The following ROBO1 variants were observed in gnomAD, a reference collection of about 807,000 sequenced individuals.
ROBO1 encodes the protein roundabout guidance receptor 1, also known as roundabout homolog 1.
Under a neutral mutation model 195.9 loss-of-function variants are expected in ROBO1, and 149 were observed. That is an observed-to-expected ratio of 0.76 (90% CI 0.67 to 0.87). The LOEUF (loss-of-function observed/expected upper bound fraction) is 0.87. ROBO1 is among the 40% of genes least tolerant of loss of function. The pLI is 0.00. For synonymous variants in ROBO1, 816 were observed against 733.2 expected, an observed-to-expected ratio of 1.11 and a Z score of -1.82; for missense variants, 1,933 against 2,068.3, an observed-to-expected ratio of 0.93 and a Z score of 1.27.
At chr3:78,732,995 T>G (rs548401344) in intron 5 of ROBO1, among the ~76,000 whole-genome samples, 1 of 152,290 alleles carries the variant, frequency 6.6e-6, no homozygotes, top group Non-Finnish European at 1.5e-5. Context: ...CAATTTATCA[T>G]ATTATCAAAT....
At position 79,385,315 on chromosome 3, in the gene ROBO1, G is replaced by T. The variant is rs2106656695; in HGVS notation, c.88+204509C>A. On this transcript the variant is annotated intron_variant, in intron 2 of 30. Transcript: ENST00000464233. Reference sequence around the variant, plus strand: ...ATCCTATGTCTCCTTATGTGCAAATGTTATCACAAATGTTTGAAAATAGCT... The same window carrying T: ...ATCCTATGTCTCCTTATGTGCAAATTTTATCACAAATGTTTGAAAATAGCT... Among the ~76,000 whole-genome samples, 3 of 152,186 alleles carry T rather than the reference G, an allele frequency of 2.0e-5. No individual in the cohort carries two copies. In the Middle Eastern group the frequency reaches 0.01, roughly 518 times the overall value.
intron 3 of ROBO1, among the ~76,000 whole-genome samples, chr3:79,021,383 C>G (rs930057548): frequency 1.3e-5 from 2 of 152,094 alleles, no homozygotes; most frequent in African/African-American, 2.4e-5. Context: ...AAATTCAAAT[C>G]CTCATATCAT....
At chr3:79,583,403 G>T (rs1339355853) in intron 2 of ROBO1, among the ~76,000 whole-genome samples, 1 of 151,864 alleles carries the variant, frequency 6.6e-6, no homozygotes, top group Non-Finnish European at 1.5e-5. Context: ...TACAAATTAT[G>T]ATTTTTCTTT....
At chr3:79,213,816 C>CTTTTTTTT (rs59942369) in intron 2 of ROBO1, among the ~76,000 whole-genome samples, 5 of 74,576 alleles carry the variant, frequency 6.7e-5, no homozygotes, top group African/African-American at 1.7e-4. Flanking sequence ...TCTCCCCTTT[C>CTTTTTTTT]TTTTTTTTTT....
chr3:79,650,959 T>C (rs1343721389), intron 1 of ROBO1, among the ~76,000 whole-genome samples: 1 of 152,044 alleles, frequency 6.6e-6, no homozygotes, highest in Non-Finnish European at 1.5e-5. Context: ...TTTTGATTCC[T>C]GAGTGTTTAA....
At chr3:79,692,922 T>C (rs1054087621) in intron 1 of ROBO1, among the ~76,000 whole-genome samples, 5 of 151,888 alleles carry the variant, frequency 3.3e-5, no homozygotes, top group African/African-American at 7.2e-5. Context: ...TTATGTTTCA[T>C]ATACACAAAG....
At chr3:79,386,667 A>G (rs1313358071) in intron 2 of ROBO1, among the ~76,000 whole-genome samples, 1 of 152,166 alleles carries the variant, frequency 6.6e-6, no homozygotes, top group African/African-American at 2.4e-5. Flanking sequence ...TAAAATACCC[A>G]GGGTAGCTTC....
At chr3:79,669,102 C>T (rs1038108809) in intron 1 of ROBO1, among the ~76,000 whole-genome samples, 6 of 151,924 alleles carry the variant, frequency 3.9e-5, no homozygotes, top group African/African-American at 9.6e-5. Flanking sequence ...ATAATTTCTA[C>T]GTGTTGTGGG....
intron 4 of ROBO1, among the ~76,000 whole-genome samples, chr3:78,794,695 G>A (rs1389335455): frequency 1.3e-5 from 2 of 152,082 alleles, no homozygotes; most frequent in African/African-American, 4.8e-5. Flanking sequence ...TCCCACCTCA[G>A]CCATGTGCTA....
intron 2 of ROBO1, among the ~76,000 whole-genome samples, chr3:79,370,767 T>C (rs968520553): frequency 6.6e-6 from 1 of 152,044 alleles, no homozygotes; most frequent in African/African-American, 2.4e-5. Flanking sequence ...TTGCTACACC[T>C]ACCACCCCAT....
In ROBO1 at chr3:79,181,925, C is replaced by CAA. The variant is rs151309857; in HGVS notation, c.89-56388_89-56387dup. Reference sequence around the variant, plus strand: ...TGGGAGAAAGAGCGAGATCTTGTGCCAAAAAAAAAAAAAAAAAAATTAAGA... The same window carrying CAA: ...TGGGAGAAAGAGCGAGATCTTGTGCCAAAAAAAAAAAAAAAAAAAAATTAAGA... On this transcript the variant is annotated intron_variant, in intron 2 of 30. Coordinates refer to ENST00000464233, the MANE Select transcript of ROBO1 (RefSeq NM_002941.4). Among the ~76,000 whole-genome samples the CAA allele has an allele frequency of 9.8e-3, 856 of 87,562 alleles. 6 individuals are homozygous for CAA. Among genetic ancestry groups the CAA allele is most frequent in the South Asian group, 0.04 (108 of 2,730 alleles). The allele number at this position is 87,562 out of a possible 152,430, so 57.4% of individuals were successfully genotyped here. A position where few individuals can be genotyped will look rare whatever the true frequency, so the allele number is the denominator to read the frequency against.
intron 3 of ROBO1, among the ~76,000 whole-genome samples, chr3:78,972,978 T>C (rs1219235701): frequency 6.6e-6 from 1 of 152,076 alleles, no homozygotes; most frequent in South Asian, 2.1e-4. Flanking sequence ...AGTAGAAAAA[T>C]AAAACAACCA....
intron 1 of ROBO1, among the ~76,000 whole-genome samples, chr3:79,756,762 T>C (rs899728070): frequency 7.9e-5 from 12 of 152,126 alleles, no homozygotes; most frequent in African/African-American, 2.4e-4. Context: ...CCTTAATGTT[T>C]TCATCATCCC....
intron 2 of ROBO1, among the ~76,000 whole-genome samples, chr3:79,497,476 T>C (rs556221579): frequency 2.0e-5 from 3 of 152,334 alleles, no homozygotes; most frequent in South Asian, 4.1e-4. Context: ...TGGAAAAGTA[T>C]TGATTAATTG....
At chr3:78,922,000 A>G (rs2038961792) in intron 4 of ROBO1, among the ~76,000 whole-genome samples, 1 of 151,898 alleles carries the variant, frequency 6.6e-6, no homozygotes, top group Non-Finnish European at 1.5e-5. Context: ...AATAAGAGAA[A>G]ATTTCTCTTA....
intron 4 of ROBO1, among the ~76,000 whole-genome samples, chr3:78,892,326 G>A (rs1470382551): frequency 6.6e-6 from 1 of 152,142 alleles, no homozygotes; most frequent in Non-Finnish European, 1.5e-5. Context: ...TGGAAAAGTT[G>A]TCTTTCATGA....
chr3:79,748,727 A>G (rs1703983434), intron 1 of ROBO1, among the ~76,000 whole-genome samples: 2 of 152,102 alleles, frequency 1.3e-5, no homozygotes, highest in African/African-American at 4.8e-5. Context: ...ACATGCTCGG[A>G]TGGCTTTAAA....
intron 3 of ROBO1, among the ~76,000 whole-genome samples, chr3:79,020,069 CTCTT>C (rs1326299716): frequency 1.3e-5 from 2 of 152,188 alleles, no homozygotes; most frequent in African/African-American, 4.8e-5. Flanking sequence ...TTGAAACTCT[CTCTT>C]TCAACTTCAT....
intron 2 of ROBO1, among the ~76,000 whole-genome samples, chr3:79,463,525 TG>T (rs1288574405): frequency 6.6e-6 from 1 of 152,208 alleles, no homozygotes; most frequent in Non-Finnish European, 1.5e-5. Flanking sequence ...GGAAGGAAGT[TG>T]TTTTTAAAAT....
Sources: allele counts gnomAD v4.1 joint callset (sites outside exome capture counted in the v4.1 genomes callset), GRCh38; gene constraint gnomAD v4.1.1; transcripts MANE v1.5; gene names NCBI Gene and HGNC (gene_info 2026-07-23, HGNC 2026-07-21).